OSBP2: variants seen among roughly 807,000 people sequenced by gnomAD.
The protein encoded by OSBP2 is oxysterol binding protein 2.
In OSBP2, 66 loss-of-function variants were observed where a neutral mutation model predicts 96.0. That is an observed-to-expected ratio of 0.69 (90% CI 0.56 to 0.84). The LOEUF (loss-of-function observed/expected upper bound fraction) is 0.84, where lower values mean the gene tolerates loss of function less well. Among genes scored for constraint, OSBP2 ranks in the 40% least tolerant of loss-of-function variants. The probability of loss-of-function intolerance (pLI) is 0.00; values close to 1 mark genes in which losing one functional copy is unlikely to be tolerated. For synonymous variants in OSBP2, 525 were observed against 520.9 expected (o/e 1.01, Z -0.11); for missense variants, 1,038 against 1,222.7 (o/e 0.85, Z 2.25).
At chr22:30,867,671 C>T (rs1034375792) in intron 2 of OSBP2, among the ~76,000 whole-genome samples, 1 of 152,222 alleles carries the variant, frequency 6.6e-6, no homozygotes, top group African/African-American at 2.4e-5. Flanking sequence ...CCCTGTGTCC[C>T]TGGGGACCTG....
intron 1 of OSBP2, among the ~76,000 whole-genome samples, chr22:30,701,613 G>A (rs2089164729): frequency 6.6e-6 from 1 of 152,042 alleles, no homozygotes; most frequent in Non-Finnish European, 1.5e-5. Context: ...AAAGTGCTGG[G>A]ATTACAGGCG....
At chr22:30,799,400 A>G (rs1052473118) in intron 2 of OSBP2, among the ~76,000 whole-genome samples, 3 of 152,266 alleles carry the variant, frequency 2.0e-5, no homozygotes, top group Admixed American at 6.5e-5. Context: ...CTGGGATTAC[A>G]GGCGTGAGCC....
intron 12 of OSBP2, chr22:30,894,254 A>G: frequency 2.3e-6 from 1 of 438,080 alleles, no homozygotes; most frequent in African/African-American, 2.0e-5. Flanking sequence ...CCCTACAAGA[A>G]ATAAAAAACA....
At chr22:30,877,296 C>T (rs1470423812) in intron 3 of OSBP2, among the ~76,000 whole-genome samples, 2 of 152,216 alleles carry the variant, frequency 1.3e-5, no homozygotes, top group Non-Finnish European at 2.9e-5. Context: ...GCTTGAATTA[C>T]TGTTTTGGGT....
At chr22:30,791,588 A>G (rs1407523425) in intron 2 of OSBP2, among the ~76,000 whole-genome samples, 1 of 151,624 alleles carries the variant, frequency 6.6e-6, no homozygotes, top group African/African-American at 2.4e-5. Flanking sequence ...CGGCCTCCCA[A>G]AGTGCTGGGA....
chr22:30,895,238 G>A (rs1032157171), intron 12 of OSBP2, among the ~76,000 whole-genome samples: 1 of 151,808 alleles, frequency 6.6e-6, no homozygotes, highest in African/African-American at 2.4e-5. Flanking sequence ...AACCCATTTA[G>A]CTGGAATCCC....
intron 12 of OSBP2, among the ~76,000 whole-genome samples, chr22:30,900,942 T>C (rs776449951): frequency 2.6e-5 from 4 of 152,170 alleles, no homozygotes; most frequent in African/African-American, 9.7e-5. Context: ...TTAAAGAAAG[T>C]GAAAAGACGA....
At chr22:30,706,066 GGAAA>G (rs899469231) in intron 1 of OSBP2, among the ~76,000 whole-genome samples, 7 of 152,186 alleles carry the variant, frequency 4.6e-5, no homozygotes, top group African/African-American at 1.7e-4. Context: ...TATCCCAAGG[GGAAA>G]GAGAGGGGAA....
At chr22:30,732,285 C>A (rs2089792333) in intron 1 of OSBP2, among the ~76,000 whole-genome samples, 1 of 152,060 alleles carries the variant, frequency 6.6e-6, no homozygotes, top group South Asian at 2.1e-4. Context: ...GCCTGGGCAA[C>A]AAGAGTGAAA....
At chr22:30,839,592 A>G (rs1007616345) in intron 2 of OSBP2, among the ~76,000 whole-genome samples, 266 of 152,050 alleles carry the variant, frequency 1.7e-3, no homozygotes, top group Non-Finnish European at 3.2e-3. Flanking sequence ...CATTTCTCTG[A>G]TGGCCAGTGA....
At position 30,893,125 on chromosome 22, in the gene OSBP2, A is replaced by G; in HGVS notation, c.1873A>G (p.Ser625Gly). The stretch of plus-strand genomic sequence containing the variant: ...CATCCTATGGGTCTGGTCTCAGGTG[A>G]GCCACCACCCCCCCTCAGCTGCGCA... ...MGLRSLCEQVSHHPPSAAHYV... is the reference protein window; with the variant it reads ...MGLRSLCEQVGHHPPSAAHYV... The change falls in exon 9 of 14, where the codon AGC (serine) becomes GGC (glycine). Residue 625 changes from serine to glycine, a missense_variant. Ser to Gly is a moderately conservative substitution (Grantham distance 56). Coordinates refer to ENST00000332585, the MANE Select transcript of OSBP2 (RefSeq NM_030758.4). 1 of 1,613,868 alleles carries G rather than the reference A, an allele frequency of 6.2e-7. No homozygotes were observed. Among genetic ancestry groups the G allele is most frequent in the Non-Finnish European group, 8.5e-7 (1 of 1,179,930 alleles).
At chr22:30,852,131 T>G (rs1433746552) in intron 2 of OSBP2, among the ~76,000 whole-genome samples, 1 of 152,172 alleles carries the variant, frequency 6.6e-6, no homozygotes, top group Non-Finnish European at 1.5e-5. Flanking sequence ...TAGTTTTTCT[T>G]GTGATGTCTT....
chr22:30,863,418 C>T (rs1438992739), intron 2 of OSBP2, among the ~76,000 whole-genome samples: 1 of 152,184 alleles, frequency 6.6e-6, no homozygotes, highest in Admixed American at 6.5e-5. Context: ...ACCAATGACA[C>T]CACTGCGCTG....
In OSBP2 at chr22:30,792,300, G is replaced by A. The variant is rs561077475; in HGVS notation, c.853+50931G>A. Among the ~76,000 whole-genome samples the A allele has an allele frequency of 5.9e-4, 90 of 151,404 alleles. 1 individual carries two copies. In the South Asian group the frequency reaches 0.019, roughly 31 times the overall value. ...TGCACTCCAGCCTGGGCGACAGAGC[G>A]AGACTCTACTGTCTCAAAAAAAAAA... On this transcript the variant is annotated intron_variant, in intron 2 of 13. Transcript: ENST00000332585.
intron 2 of OSBP2, among the ~76,000 whole-genome samples, chr22:30,814,234 G>A (rs557166941): frequency 3.4e-4 from 51 of 152,048 alleles, no homozygotes; most frequent in Middle Eastern, 3.2e-3. Flanking sequence ...TTCTGTCACA[G>A]TTCTGGAAGC....
intron 3 of OSBP2, among the ~76,000 whole-genome samples, chr22:30,873,326 C>T (rs532611765): frequency 5.9e-5 from 9 of 152,256 alleles, no homozygotes; most frequent in African/African-American, 1.9e-4. Context: ...GGCCAGGATG[C>T]GGGGCAGCCT....
At chr22:30,795,470 A>G (rs927177707) in intron 2 of OSBP2, among the ~76,000 whole-genome samples, 1 of 150,428 alleles carries the variant, frequency 6.6e-6, no homozygotes, top group Non-Finnish European at 1.5e-5. Flanking sequence ...GCACTCTTCT[A>G]TCTTTTCCAT....
intron 2 of OSBP2, among the ~76,000 whole-genome samples, chr22:30,786,841 C>G (rs2090596789): frequency 6.6e-6 from 1 of 152,090 alleles, no homozygotes; most frequent in Non-Finnish European, 1.5e-5. Flanking sequence ...CTCTGTTGCC[C>G]AGGCTGGAGT....
intron 1 of OSBP2, among the ~76,000 whole-genome samples, chr22:30,716,248 G>A (rs553891504): frequency 6.6e-6 from 1 of 151,490 alleles, no homozygotes; most frequent in East Asian, 2.0e-4. Context: ...TGCCATGTTG[G>A]CCAGGCTGGT....
Sources: gnomAD v4.1 joint callset for allele counts (sites outside exome capture counted in the v4.1 genomes callset) on GRCh38, gnomAD v4.1.1 for gene constraint, MANE v1.5 for transcripts, NCBI Gene and HGNC (gene_info 2026-07-23, HGNC 2026-07-21) for gene names.